The following LRP1 variants were observed in gnomAD, a reference collection of about 807,000 sequenced individuals.
The protein encoded by LRP1 is prolow-density lipoprotein receptor-related protein 1.
A neutral mutation model predicts 541.5 loss-of-function variants in LRP1; 51 were observed. The ratio of observed to expected loss-of-function variants is 0.09; its 90% confidence interval spans 0.08 to 0.12. The LOEUF is 0.12. Among genes scored for constraint, LRP1 ranks in the 10% least tolerant of loss-of-function variants. LRP1 has a pLI of 1.00. For synonymous variants in LRP1, 2,219 were observed against 2,470.8 expected (o/e 0.90, Z 3.02); for missense variants, 3,878 against 6,376.2 (o/e 0.61, Z 13.34).
rs746896607 is a variant in LRP1, at chr12:57,209,835, G to C, written c.12406G>C (p.Val4136Leu). ...AGGGGGCCTGAGCCACGCCTCTGACGTGGTCCTTTACCATCAGCACAAGCA... is the reference window on the plus strand; with the variant it reads ...AGGGGGCCTGAGCCACGCCTCTGACCTGGTCCTTTACCATCAGCACAAGCA... Reference protein sequence around the residue: ...LTGGLSHASDVVLYHQHKQPE... With the variant: ...LTGGLSHASDLVLYHQHKQPE... Residue 4136 changes from valine (V) to leucine (L), a missense_variant, in exon 80 of 89, where the codon GTG (valine) becomes CTG (leucine). Val to Leu is a conservative substitution (Grantham distance 32, BLOSUM62 1). This residue lies in a region of LRP1 where 871 missense variants were observed against 1,212.4 expected (regional missense o/e 0.72). Transcript: ENST00000243077. The C allele has an allele frequency of 1.9e-6, 3 of 1,614,032 alleles. No homozygotes were observed. Among genetic ancestry groups the C allele is most frequent in the Non-Finnish European group, 1.7e-6 (2 of 1,180,042 alleles).
rs560410086 is a variant in LRP1 at position 57,144,709 on chromosome 12, C to A, written c.449-263C>A. On this transcript the variant is annotated intron_variant, in intron 4 of 88. Coordinates refer to ENST00000243077, the MANE Select transcript of LRP1 (RefSeq NM_002332.3). ...TCTATTTTAAAGTTCACTGATGCAC[C>A]CCTGGCACCTGACCCATAGTAGGGA... The A allele has an allele frequency of 2.0e-5, 10 of 500,496 alleles. No individual in the cohort carries two copies. In the South Asian group the frequency reaches 2.4e-4, roughly 12 times the overall value. The allele number at this position is 500,496 out of a possible 1,614,324, so 31.0% of individuals were successfully genotyped here.
intron 3 of LRP1, 99 bp downstream of exon 3, chr12:57,141,610 T>A: frequency 7.0e-7 from 1 of 1,427,016 alleles, no homozygotes; most frequent in Non-Finnish European, 9.7e-7. Context: ...GGATGAGGCC[T>A]TGTCCTGGTC....
In LRP1 at chr12:57,212,640, T is replaced by G; in HGVS notation, c.*85T>G. The G allele has an allele frequency of 1.5e-6, 2 of 1,359,958 alleles. No individual in the cohort carries two copies. Among genetic ancestry groups the G allele is most frequent in the Non-Finnish European group, 2.0e-6 (2 of 1,001,110 alleles). The allele number at this position is 1,359,958 out of a possible 1,614,324, so 84.2% of individuals were successfully genotyped here. On this transcript the variant is annotated 3_prime_UTR_variant, in exon 89 of 89. Transcript: ENST00000243077. The surrounding 1 kb of genome is among the most constrained non-coding windows in gnomAD (Gnocchi z 5.0). ...CAGTGAGCCCCTCCCCAGCCAGCCCTTCCCTGGCCCCGCCGGATGTATAAA... is the reference window on the plus strand; with the variant it reads ...CAGTGAGCCCCTCCCCAGCCAGCCCGTCCCTGGCCCCGCCGGATGTATAAA...
At chr12:57,138,915 G>A (rs1223181399) in intron 2 of LRP1, among the ~76,000 whole-genome samples, 1 of 152,140 alleles carries the variant, frequency 6.6e-6, no homozygotes, top group Non-Finnish European at 1.5e-5. Flanking sequence ...CCTGACCCTT[G>A]ATGATTGGCC....
intron 6 of LRP1, among the ~76,000 whole-genome samples, chr12:57,150,488 G>C (rs1035189316): frequency 2.6e-5 from 4 of 152,172 alleles, no homozygotes; most frequent in African/African-American, 9.7e-5. Flanking sequence ...ACTGAGCCTG[G>C]CCTTGAAAAC....
At chr12:57,169,793 C>T (rs1188906968) in intron 20 of LRP1, among the ~76,000 whole-genome samples, 1 of 152,212 alleles carries the variant, frequency 6.6e-6, no homozygotes, top group Admixed American at 6.5e-5. Context: ...GGAGAGAGGG[C>T]CTGGCTCCAC....
At position 57,204,397 on chromosome 12, in the gene LRP1, C is replaced by T. The variant is rs1373869058; in HGVS notation, c.10952-13C>T. ...CATGGCTCATTCTATCTCTTGGCTC[C>T]CCCTGGCACCAGTGCGGACCTGCCC... is the stretch of plus-strand genomic sequence containing the variant. On this transcript the variant is annotated splice_polypyrimidine_tract_variant and intron_variant, in intron 70 of 88. Coordinates refer to ENST00000243077, the MANE Select transcript of LRP1 (RefSeq NM_002332.3). The surrounding 1 kb of genome is among the most constrained non-coding windows in gnomAD (Gnocchi z 5.3). 6.6e-7 allele frequency: 1 copy of T among 1,515,288 alleles called. No homozygotes were observed. The highest frequency in any genetic ancestry group is 8.8e-7 in the Non-Finnish European group (1 of 1,130,706). The allele number at this position is 1,515,288 out of a possible 1,614,324, so 93.9% of individuals were successfully genotyped here. A position where few individuals can be genotyped will look rare whatever the true frequency, so the allele number is the denominator to read the frequency against.
At chr12:57,159,235 G>A (rs2035681637) in intron 11 of LRP1, among the ~76,000 whole-genome samples, 1 of 152,156 alleles carries the variant, frequency 6.6e-6, no homozygotes, top group African/African-American at 2.4e-5. Context: ...CAATCTGGTG[G>A]ATGCCAGTTA....
intron 31 of LRP1, 24 bp from the exon 32 acceptor site, chr12:57,180,306 C>G (rs766563959): frequency 1.2e-6 from 2 of 1,612,760 alleles, no homozygotes; most frequent in Non-Finnish European, 1.7e-6. Flanking sequence ...CCAGACTCCC[C>G]GGCAGTGACT....
intron 34 of LRP1, among the ~76,000 whole-genome samples, chr12:57,182,679 G>C (rs548097058): frequency 1.3e-5 from 2 of 151,962 alleles, no homozygotes; most frequent in African/African-American, 4.8e-5. Flanking sequence ...AGCCGGGCAT[G>C]GTGGTGCATG....
intron 2 of LRP1, among the ~76,000 whole-genome samples, chr12:57,139,189 G>T (rs558173188): frequency 7.9e-5 from 12 of 152,132 alleles, no homozygotes; most frequent in Non-Finnish European, 1.8e-4. Context: ...CACAGTCCTG[G>T]TGGCTCCACT....
At position 57,178,854 on chromosome 12, in the gene LRP1, T is replaced by G; in HGVS notation, c.4607-36T>G. Reference sequence around the variant, plus strand: ...ATGTAGGGAGCAGCAAGTCACAGGATGCTCTGGCTTCTTCTCTTCTCCACC... The same window carrying G: ...ATGTAGGGAGCAGCAAGTCACAGGAGGCTCTGGCTTCTTCTCTTCTCCACC... On this transcript the variant is annotated intron_variant, in intron 27 of 88. Transcript: ENST00000243077. This position sits in a 1 kb window ranked among gnomAD's most constrained non-coding sequence, Gnocchi z 5.8. The G allele has an allele frequency of 6.3e-7, 1 of 1,590,546 alleles. No homozygotes were observed. Among genetic ancestry groups the G allele is most frequent in the Admixed American group, 1.8e-5 (1 of 56,346 alleles).
In LRP1 at chr12:57,178,061, C is replaced by G. The variant is rs561227387; in HGVS notation, c.4362-298C>G. The stretch of plus-strand genomic sequence containing the variant: ...CCCCCCGGGGTTCACGCTGAGGGTG[C>G]CTTTTTCTGACTTTCATCAAAGCCC... On this transcript the variant is annotated intron_variant, in intron 26 of 88. Coordinates refer to ENST00000243077, the MANE Select transcript of LRP1 (RefSeq NM_002332.3). The surrounding 1 kb of genome is among the most constrained non-coding windows in gnomAD (Gnocchi z 5.8). Among the ~76,000 whole-genome samples the G allele has an allele frequency of 6.6e-6, 1 of 151,724 alleles. No individual in the cohort carries two copies. The highest frequency in any genetic ancestry group is 1.9e-4 in the East Asian group (1 of 5,150).
chr12:57,175,385 G>A (rs2036022308), intron 22 of LRP1, 75 bp from the exon 23 acceptor site: 1 of 1,581,608 alleles, frequency 6.3e-7, no homozygotes, highest in African/African-American at 1.3e-5. Context: ...CAGGACTTGG[G>A]GCCCAGCAGG....
intron 42 of LRP1, among the ~76,000 whole-genome samples, chr12:57,187,893 C>T (rs1260266334): frequency 3.9e-5 from 6 of 152,166 alleles, no homozygotes; most frequent in African/African-American, 1.2e-4. Flanking sequence ...TGGTAACTGG[C>T]ACAGGGCTGT....
Position 57,211,832 on chromosome 12 carries a change from G to A in LRP1, c.13258+18G>A, listed in dbSNP as rs1246880428. On this transcript the variant is annotated intron_variant, in intron 86 of 88. Transcript: ENST00000243077. This position sits in a 1 kb window ranked among gnomAD's most constrained non-coding sequence, Gnocchi z 4.3. ...GCCAGGACGTAGGTGGCAGGGGTTG[G>A]GGCAGGCAGGGCCACCGGGACCTAG... 10 of 1,612,694 alleles carry A rather than the reference G, an allele frequency of 6.2e-6. No homozygotes were observed. The highest frequency in any genetic ancestry group is 8.5e-6 in the Non-Finnish European group (10 of 1,179,998).
Position 57,156,712 on chromosome 12 carries a change from A to T in LRP1, c.1418-65A>T, listed in dbSNP as rs2035626750. On this transcript the variant is annotated intron_variant, in intron 9 of 88. Coordinates refer to ENST00000243077, the MANE Select transcript of LRP1 (RefSeq NM_002332.3). This position sits in a 1 kb window ranked among gnomAD's most constrained non-coding sequence, Gnocchi z 5.2. ...AGCAGGGGGTGTGGTCAGATTCAGG[A>T]AGCCTTCTCAAGGCCTGGCACAGGG... 1 of 1,512,296 alleles carries T rather than the reference A, an allele frequency of 6.6e-7. No individual in the cohort carries two copies. Among genetic ancestry groups the T allele is most frequent in the South Asian group, 1.2e-5 (1 of 80,392 alleles). The allele number at this position is 1,512,296 out of a possible 1,614,324, so 93.7% of individuals were successfully genotyped here.
chr12:57,175,414 C>G, intron 22 of LRP1, 46 bp from the exon 23 acceptor site: 2 of 1,607,096 alleles, frequency 1.2e-6, no homozygotes, highest in Non-Finnish European at 1.7e-6. Flanking sequence ...CTTGCCTCCT[C>G]TCAGCTTCTG....
At chr12:57,192,342 T>A (rs1389208782) in intron 44 of LRP1, among the ~76,000 whole-genome samples, 1 of 152,032 alleles carries the variant, frequency 6.6e-6, no homozygotes, top group East Asian at 1.9e-4. Flanking sequence ...ACACACACAT[T>A]CATGTCACAC....
Sources: gnomAD v4.1 joint callset for allele counts (sites outside exome capture counted in the v4.1 genomes callset) on GRCh38, gnomAD v4.1.1 for gene constraint, gnomAD v4.1.1 regional missense constraint, Gnocchi (gnomAD v3.1) non-coding constraint, MANE v1.5 for transcripts, NCBI Gene and HGNC (gene_info 2026-07-23, HGNC 2026-07-21) for gene names.